The following DCAF8L2 variants were observed in gnomAD, a reference collection of about 807,000 sequenced individuals.
The protein encoded by DCAF8L2 is DDB1- and CUL4-associated factor 8-like protein 2.
For synonymous variants in DCAF8L2, 200 were observed against 190.9 expected (o/e 1.05, Z -0.39); for missense variants, 430 against 490.7 (o/e 0.88, Z 1.17).
the DCAF8L2 span, among the ~76,000 whole-genome samples, chrX:27,557,649 T>C: frequency 9.0e-6 from 1 of 110,956 alleles, no homozygotes; most frequent in East Asian, 2.9e-4. Context: ...GCTGTAGAGG[T>C]TGTGCCTTCA....
At chrX:27,689,894 G>A (rs1930649755) in intron 3 of DCAF8L2, among the ~76,000 whole-genome samples, 1 of 110,986 alleles carries the variant, frequency 9.0e-6, no homozygotes, top group South Asian at 3.7e-4. Context: ...GTGCCATAAA[G>A]AAAAATAAGA....
the DCAF8L2 span, among the ~76,000 whole-genome samples, chrX:27,538,103 A>C: frequency 9.0e-6 from 1 of 111,601 alleles, no homozygotes; most frequent in Non-Finnish European, 1.9e-5. Flanking sequence ...AGATTCAAAG[A>C]AACCCTTAAA....
At chrX:27,703,823 A>G (rs1931220755) in intron 3 of DCAF8L2, among the ~76,000 whole-genome samples, 1 of 110,551 alleles carries the variant, frequency 9.0e-6, no homozygotes, top group Non-Finnish European at 1.9e-5. Flanking sequence ...TGTATTTAGA[A>G]AAATAGGCAA....
At chrX:27,662,371 A>AT (rs1388156333) in intron 2 of DCAF8L2, among the ~76,000 whole-genome samples, 1 of 111,446 alleles carries the variant, frequency 9.0e-6, no homozygotes, top group Non-Finnish European at 1.9e-5. Flanking sequence ...TATTTTTTCC[A>AT]TTTTTTCTAA....
intron 4 of DCAF8L2, among the ~76,000 whole-genome samples, chrX:27,739,110 A>G (rs941691621): frequency 5.4e-5 from 6 of 111,237 alleles, no homozygotes; most frequent in African/African-American, 2.0e-4. Context: ...TGATTTAAAA[A>G]AAAATCTATT....
intron 3 of DCAF8L2, among the ~76,000 whole-genome samples, chrX:27,704,237 CGT>C (rs1931256602): frequency 1.2e-5 from 1 of 86,590 alleles, no homozygotes; most frequent in Non-Finnish European, 2.1e-5. Context: ...CGTGTACACA[CGT>C]GCGCACATAC....
intron 1 of DCAF8L2, among the ~76,000 whole-genome samples, chrX:27,600,045 G>C (rs221365): frequency 0.4 from 44,067 of 110,774 alleles, 7,319 homozygotes; most frequent in South Asian, 0.68. Context: ...AATGACATGA[G>C]AGTGGTTATT....
chrX:27,621,990 T>TCAA (rs1292911527), intron 1 of DCAF8L2, among the ~76,000 whole-genome samples: 5 of 108,050 alleles, frequency 4.6e-5, no homozygotes, highest in African/African-American at 6.8e-5. Context: ...AGACCTTATC[T>TCAA]CAACAACAAC....
intron 4 of DCAF8L2, among the ~76,000 whole-genome samples, chrX:27,719,507 C>T (rs754996994): frequency 1.4e-3 from 136 of 95,552 alleles, no homozygotes; most frequent in Non-Finnish European, 2.2e-3. Context: ...GAGTGCAGTG[C>T]GATCTTGGCT....
chrX:27,673,658 AT>A (rs1229865085), intron 2 of DCAF8L2, among the ~76,000 whole-genome samples: 3 of 109,122 alleles, frequency 2.7e-5, no homozygotes, highest in Admixed American at 2.0e-4. Flanking sequence ...ACATATATGC[AT>A]ATATAATATA....
chrX:27,470,097 G>A, the DCAF8L2 span, among the ~76,000 whole-genome samples: 3 of 111,621 alleles, frequency 2.7e-5, no homozygotes, highest in Non-Finnish European at 5.6e-5. Flanking sequence ...TAAGCAGGAG[G>A]GCTGACATAG....
At chrX:27,587,351 G>A (rs1022101653), upstream of DCAF8L2, among the ~76,000 whole-genome samples, 3 of 111,457 alleles carry the variant, frequency 2.7e-5, no homozygotes, top group African/African-American at 9.8e-5. Flanking sequence ...GGGTTGTAAC[G>A]TAGCAACAAT....
chrX:27,488,190 T>C, the DCAF8L2 span, among the ~76,000 whole-genome samples: 1 of 111,402 alleles, frequency 9.0e-6, no homozygotes, highest in African/African-American at 3.3e-5. Flanking sequence ...ACCATTCTAG[T>C]GTGTATTATC....
chrX:27,538,757 C>T, the DCAF8L2 span, among the ~76,000 whole-genome samples: 1 of 111,439 alleles, frequency 9.0e-6, no homozygotes, highest in African/African-American at 3.3e-5. Flanking sequence ...TATTTATACA[C>T]TCAGGGACCC....
chrX:27,715,940 A>G (rs1200647642), intron 3 of DCAF8L2, 148 bp from the exon 4 acceptor site: 1 of 112,642 alleles, frequency 8.9e-6, no homozygotes, highest in Non-Finnish European at 1.9e-5. Context: ...TGTTTGAACT[A>G]CACATTGCAT....
chrX:27,726,640 G>A (rs1288725072), intron 4 of DCAF8L2, among the ~76,000 whole-genome samples: 1 of 111,225 alleles, frequency 9.0e-6, no homozygotes, highest in East Asian at 2.8e-4. Context: ...TTATTTTCCT[G>A]TTTTGGAACA....
At chrX:27,603,337 C>A (rs1926735104) in intron 1 of DCAF8L2, among the ~76,000 whole-genome samples, 1 of 111,333 alleles carries the variant, frequency 9.0e-6, no homozygotes, top group Non-Finnish European at 1.9e-5. Flanking sequence ...TTAGAGTACC[C>A]TTTTTACACT....
intron 1 of DCAF8L2, among the ~76,000 whole-genome samples, chrX:27,599,327 T>C (rs1000871061): frequency 5.4e-5 from 6 of 111,248 alleles, no homozygotes; most frequent in African/African-American, 2.0e-4. Context: ...GGAGTCAAAC[T>C]CATAGAAACA....
At chrX:27,718,667 G>T (rs1448985144) in intron 4 of DCAF8L2, among the ~76,000 whole-genome samples, 1 of 111,603 alleles carries the variant, frequency 9.0e-6, no homozygotes, top group African/African-American at 3.3e-5. Flanking sequence ...GCCTTTCTGA[G>T]AACAAGAGGG....
Sources: gnomAD v4.1 joint callset for allele counts (sites outside exome capture counted in the v4.1 genomes callset) on GRCh38, gnomAD v4.1.1 for gene constraint, MANE v1.5 for transcripts, NCBI Gene and HGNC (gene_info 2026-07-23, HGNC 2026-07-21) for gene names.